DMD: variants seen among roughly 807,000 people sequenced by gnomAD.
DMD encodes mutant dystrophin.
DMD carries 63 observed loss-of-function variants against 330.1 expected under a neutral mutation model. The observed-to-expected ratio is 0.19, with a 90% CI of 0.16 to 0.24. The LOEUF (loss-of-function observed/expected upper bound fraction) is 0.24, where lower values mean the gene tolerates loss of function less well. Among genes scored for constraint, DMD ranks in the 10% least tolerant of loss-of-function variants. DMD has a pLI of 1.00. For synonymous variants in DMD, 1,223 were observed against 959.8 expected, an observed-to-expected ratio of 1.27 and a Z score of -5.07; for missense variants, 3,344 against 2,684.1, an observed-to-expected ratio of 1.25 and a Z score of -5.43.
At chrX:32,507,088 G>A (rs1403936080) in intron 18 of DMD, among the ~76,000 whole-genome samples, 1 of 111,527 alleles carries the variant, frequency 9.0e-6, no homozygotes, top group East Asian at 2.8e-4. Flanking sequence ...CATCTTAGAG[G>A]AGAAAAAATA....
intron 2 of DMD, among the ~76,000 whole-genome samples, chrX:32,998,811 T>C (rs1338543787): frequency 8.9e-6 from 1 of 111,998 alleles, no homozygotes; most frequent in Non-Finnish European, 1.9e-5. Flanking sequence ...AGTTGAACAA[T>C]GTAAAGAATT....
At chrX:32,748,112 G>A (rs1412708174) in intron 7 of DMD, among the ~76,000 whole-genome samples, 2 of 110,441 alleles carry the variant, frequency 1.8e-5, no homozygotes, top group Non-Finnish European at 3.8e-5. Flanking sequence ...GGAGGCTGAG[G>A]CAGGCAGATC....
At chrX:33,259,477 T>C (rs917156508) in intron 1 of DMD, among the ~76,000 whole-genome samples, 4 of 109,169 alleles carry the variant, frequency 3.7e-5, no homozygotes, top group Non-Finnish European at 7.7e-5. Flanking sequence ...GCTCCAAAAT[T>C]CAAAACTTTT....
chrX:31,199,422 C>G (rs2043219893), intron 67 of DMD, among the ~76,000 whole-genome samples: 1 of 112,487 alleles, frequency 8.9e-6, no homozygotes, highest in African/African-American at 3.2e-5. Flanking sequence ...CATAAATTTA[C>G]AGTGACTATT....
Position 31,375,397 on chromosome X carries a change from C to T in DMD, c.9085-26763G>A, listed in dbSNP as rs1602286464. Among the ~76,000 whole-genome samples the T allele has an allele frequency of 8.1e-5, 9 of 111,419 alleles. 1 individual carries two copies. In the Admixed American group the frequency reaches 8.6e-4, roughly 11 times the overall value. Reference sequence around the variant, plus strand: ...TCCCAGTATGACAATAATCCTTCTGCAAGCAACTCTCCAACTGCTTCTGCT... The same window carrying T: ...TCCCAGTATGACAATAATCCTTCTGTAAGCAACTCTCCAACTGCTTCTGCT... On this transcript the variant is annotated intron_variant, in intron 60 of 78. Coordinates refer to ENST00000357033, the MANE Select transcript of DMD (RefSeq NM_004006.3).
intron 1 of DMD, among the ~76,000 whole-genome samples, chrX:33,113,867 G>A (rs188821551): frequency 1.0e-4 from 11 of 110,196 alleles, no homozygotes; most frequent in African/African-American, 3.0e-4. Flanking sequence ...TAGATGTTTC[G>A]AAATGGATAA....
chrX:32,731,456 G>T (rs959686173), intron 7 of DMD, among the ~76,000 whole-genome samples: 1 of 112,803 alleles, frequency 8.9e-6, no homozygotes, highest in African/African-American at 3.2e-5. Flanking sequence ...ACCTCTGAGG[G>T]CAGGGCACAG....
intron 28 of DMD, among the ~76,000 whole-genome samples, chrX:32,439,126 T>A (rs2098272105): frequency 8.9e-6 from 1 of 111,828 alleles, no homozygotes; most frequent in African/African-American, 3.2e-5. Context: ...AGGGATTCAA[T>A]TTCATCTTAC....
intron 13 of DMD, among the ~76,000 whole-genome samples, chrX:32,585,732 A>G (rs1198421329): frequency 5.7e-5 from 5 of 88,402 alleles, no homozygotes; most frequent in Non-Finnish European, 8.9e-5. Flanking sequence ...AAAAAAAAAG[A>G]ATATTATTGT....
Position 33,211,404 on chromosome X carries a change from A to C in DMD, c.-92T>G. ...CCAGTAGGCTTAAAAACAATGAGAA[A>C]CCAACAAACTTCAGCAGCTTTAAAA... On this transcript the variant is annotated 5_prime_UTR_variant, in exon 1 of 79. Transcript: ENST00000357033. 8.5e-7 allele frequency: 1 copy of C among 1,172,863 alleles called. No individual in the cohort carries two copies. The highest frequency in any genetic ancestry group is 1.1e-6 in the Non-Finnish European group (1 of 875,506).
At chrX:31,911,615 A>T (rs943867224) in intron 47 of DMD, among the ~76,000 whole-genome samples, 4 of 111,704 alleles carry the variant, frequency 3.6e-5, no homozygotes, top group African/African-American at 1.3e-4. Flanking sequence ...ATTCGAGTTC[A>T]AAATGGATTG....
At chrX:32,330,946 C>A (rs752820107) in intron 41 of DMD, among the ~76,000 whole-genome samples, 11 of 111,515 alleles carry the variant, frequency 9.9e-5, no homozygotes, top group Non-Finnish European at 1.9e-4. Flanking sequence ...ACCACGATCA[C>A]TACCCCCATC....
At chrX:32,723,224 G>T (rs764774842) in intron 7 of DMD, among the ~76,000 whole-genome samples, 10 of 111,460 alleles carry the variant, frequency 9.0e-5, no homozygotes, top group South Asian at 3.7e-4. Flanking sequence ...AATGTAGTAT[G>T]TCGCATTGAT....
intron 1 of DMD, among the ~76,000 whole-genome samples, chrX:33,210,380 G>A (rs1005031383): frequency 7.2e-5 from 8 of 110,585 alleles, no homozygotes; most frequent in East Asian, 2.9e-4. Context: ...CCATCTCTTC[G>A]GGACACACAG....
intron 44 of DMD, among the ~76,000 whole-genome samples, chrX:32,201,296 G>A (rs1439314407): frequency 9.0e-6 from 1 of 111,489 alleles, no homozygotes; most frequent in Non-Finnish European, 1.9e-5. Flanking sequence ...ATATCTTATT[G>A]TATTGTAGTC....
intron 1 of DMD, among the ~76,000 whole-genome samples, chrX:33,233,363 A>G (rs1006358255): frequency 1.2e-4 from 13 of 112,052 alleles, no homozygotes; most frequent in African/African-American, 4.2e-4. Context: ...CAATTTTATT[A>G]GTAACAGCCC....
chrX:31,427,700 G>C (rs1357798862), intron 60 of DMD, among the ~76,000 whole-genome samples: 1 of 111,546 alleles, frequency 9.0e-6, no homozygotes, highest in Non-Finnish European at 1.9e-5. Context: ...AGTGGTAGAG[G>C]TCCCAGCTTA....
At chrX:33,013,076 T>A (rs1379462083) in intron 2 of DMD, among the ~76,000 whole-genome samples, 1 of 110,757 alleles carries the variant, frequency 9.0e-6, no homozygotes, top group Non-Finnish European at 1.9e-5. Context: ...ATCAATTTGA[T>A]GATTTGTCCC....
chrX:32,784,786 A>G (rs1156650067), intron 7 of DMD, among the ~76,000 whole-genome samples: 1 of 111,831 alleles, frequency 8.9e-6, no homozygotes, highest in African/African-American at 3.2e-5. Flanking sequence ...TACATTTATT[A>G]GAATGAAAAA....
Sources: allele counts gnomAD v4.1 joint callset (sites outside exome capture counted in the v4.1 genomes callset), GRCh38; gene constraint gnomAD v4.1.1; transcripts MANE v1.5; gene names NCBI Gene and HGNC (gene_info 2026-07-23, HGNC 2026-07-21).